TEX11: variants seen among roughly 807,000 people sequenced by gnomAD.
TEX11 encodes the protein testis-expressed protein 11.
TEX11 carries 7 observed loss-of-function variants against 84.4 expected under a neutral mutation model. The observed-to-expected ratio is 0.08, with a 90% CI of 0.05 to 0.16. TEX11 has a LOEUF of 0.16. Among genes scored for constraint, TEX11 ranks in the 10% least tolerant of loss-of-function variants. The pLI, the probability that TEX11 is intolerant of heterozygous loss-of-function variation, is 1.00. For synonymous variants in TEX11, 264 were observed against 222.8 expected, an observed-to-expected ratio of 1.18 and a Z score of -1.64; for missense variants, 551 against 660.5, an observed-to-expected ratio of 0.83 and a Z score of 1.82.
At chrX:70,512,339 C>T in the TEX11 span, among the ~76,000 whole-genome samples, 1 of 108,085 alleles carries the variant, frequency 9.3e-6, no homozygotes, top group South Asian at 4.0e-4. Context: ...ATGCCTCAGC[C>T]TCCCGAATAG....
chrX:70,782,442 T>G (rs2059113786), intron 9 of TEX11, among the ~76,000 whole-genome samples: 1 of 109,988 alleles, frequency 9.1e-6, no homozygotes, highest in Non-Finnish European at 1.9e-5. Context: ...AACATCATAG[T>G]GACGGGATTA....
intron 9 of TEX11, among the ~76,000 whole-genome samples, chrX:70,797,988 T>G (rs1449500922): frequency 1.1e-5 from 1 of 93,590 alleles, no homozygotes; most frequent in Admixed American, 1.3e-4. Flanking sequence ...TATTCAACAT[T>G]GTACTAGAAG....
chrX:70,568,831 C>A (rs1274220987), intron 25 of TEX11, among the ~76,000 whole-genome samples: 30 of 110,712 alleles, frequency 2.7e-4, no homozygotes, highest in Non-Finnish European at 4.7e-4. Context: ...CTCTGGCTGC[C>A]CTTAACATTT....
At chrX:70,841,714 C>T (rs1311515875) in intron 7 of TEX11, among the ~76,000 whole-genome samples, 2 of 111,413 alleles carry the variant, frequency 1.8e-5, no homozygotes, top group East Asian at 2.8e-4. Flanking sequence ...AAAAGATCAA[C>T]GAAATTGATA....
intron 4 of TEX11, among the ~76,000 whole-genome samples, chrX:70,870,065 G>T (rs1417247298): frequency 9.0e-6 from 1 of 111,665 alleles, no homozygotes; most frequent in Non-Finnish European, 1.9e-5. Context: ...TGATACCTTT[G>T]AACATCCGCT....
intron 25 of TEX11, among the ~76,000 whole-genome samples, chrX:70,565,322 G>A (rs1426048554): frequency 9.3e-6 from 1 of 107,930 alleles, no homozygotes; most frequent in East Asian, 2.9e-4. Context: ...CAGATGAGTA[G>A]GTTGTGAAAA....
intron 3 of TEX11, among the ~76,000 whole-genome samples, chrX:70,878,259 G>C (rs537620115): frequency 2.1e-5 from 2 of 96,758 alleles, no homozygotes; most frequent in East Asian, 7.2e-4. Flanking sequence ...TGCAAGCTCC[G>C]CCTTCTGGGT....
chrX:70,857,671 G>A (rs1302027640), intron 5 of TEX11, among the ~76,000 whole-genome samples: 1 of 112,096 alleles, frequency 8.9e-6, no homozygotes, highest in African/African-American at 3.2e-5. Flanking sequence ...GAGAGGTCAG[G>A]TGCTCCAGTG....
intron 20 of TEX11, among the ~76,000 whole-genome samples, chrX:70,622,781 CCTT>C (rs941132517): frequency 1.7e-4 from 19 of 111,694 alleles, no homozygotes; most frequent in Non-Finnish European, 1.3e-4. Flanking sequence ...AATCTTATCT[CCTT>C]GATACCTCCA....
chrX:70,816,715 CAA>C (rs61114889), intron 8 of TEX11, among the ~76,000 whole-genome samples: 27 of 80,634 alleles, frequency 3.3e-4, no homozygotes, highest in South Asian at 1.8e-3. Context: ...GACTCTGTCT[CAA>C]AAAAAAAAAA....
chrX:70,884,529 A>C, intron 2 of TEX11, among the ~76,000 whole-genome samples: 1 of 111,949 alleles, frequency 8.9e-6, no homozygotes, highest in South Asian at 3.7e-4. Context: ...CAGTGTCAAA[A>C]GGGTCTGGCA....
chrX:70,834,231 C>T (rs964677032), intron 7 of TEX11, among the ~76,000 whole-genome samples: 4 of 110,713 alleles, frequency 3.6e-5, no homozygotes, highest in African/African-American at 9.8e-5. Flanking sequence ...AAAGCAGCTT[C>T]GTACAATCTC....
At chrX:70,837,107 A>C (rs368332449) in intron 7 of TEX11, among the ~76,000 whole-genome samples, 25 of 112,099 alleles carry the variant, frequency 2.2e-4, no homozygotes, top group African/African-American at 7.8e-4. Flanking sequence ...AAAAAAATAA[A>C]ACTAAATATA....
intron 28 of TEX11, among the ~76,000 whole-genome samples, chrX:70,545,441 T>C (rs1271265499): frequency 9.0e-6 from 1 of 111,628 alleles, no homozygotes; most frequent in Non-Finnish European, 1.9e-5. Context: ...TCAATATCAC[T>C]GTCTCCCACC....
chrX:70,655,643 C>G lies in TEX11; in HGVS notation c.1381-4091G>C, dbSNP rs191768310. Among the ~76,000 whole-genome samples, 4 of 110,403 alleles carry G rather than the reference C, an allele frequency of 3.6e-5. No individual in the cohort carries two copies. The East Asian group carries it at 1.1e-3, about 31-fold the overall frequency. On this transcript the variant is annotated intron_variant, in intron 16 of 29. Coordinates refer to ENST00000374333, the MANE Select transcript of TEX11 (RefSeq NM_031276.3). Reference sequence around the variant, plus strand: ...TTTTCAAGCACACACAGAATATTTACAAAAAGTGACCATTTACCTAACCAT... The same window carrying G: ...TTTTCAAGCACACACAGAATATTTAGAAAAAGTGACCATTTACCTAACCAT...
At chrX:70,568,735 C>T (rs1174514962) in intron 25 of TEX11, among the ~76,000 whole-genome samples, 3 of 111,340 alleles carry the variant, frequency 2.7e-5, no homozygotes, top group African/African-American at 9.8e-5. Flanking sequence ...ATATTGGCCC[C>T]CACTCTCTTC....
At chrX:70,791,129 C>G (rs2091115664) in intron 9 of TEX11, among the ~76,000 whole-genome samples, 1 of 110,772 alleles carries the variant, frequency 9.0e-6, no homozygotes, top group East Asian at 2.8e-4. Context: ...AGAGATGCAT[C>G]TCACATGTAA....
chrX:70,635,890 A>G (rs944214766), intron 17 of TEX11, among the ~76,000 whole-genome samples: 7 of 111,257 alleles, frequency 6.3e-5, no homozygotes, highest in Non-Finnish European at 1.3e-4. Context: ...ACCCCTGGCC[A>G]TAGGTACGAG....
chrX:70,747,951 A>G (rs2090780081), intron 9 of TEX11, among the ~76,000 whole-genome samples: 1 of 110,523 alleles, frequency 9.0e-6, no homozygotes, highest in Non-Finnish European at 1.9e-5. Flanking sequence ...GAAAAGTACA[A>G]TAACTGAAAT....
Sources: allele counts gnomAD v4.1 joint callset (sites outside exome capture counted in the v4.1 genomes callset), GRCh38; gene constraint gnomAD v4.1.1; transcripts MANE v1.5; gene names NCBI Gene and HGNC (gene_info 2026-07-23, HGNC 2026-07-21).